GDPD4: variants seen among roughly 807,000 people sequenced by gnomAD.
GDPD4 encodes glycerophosphodiester phosphodiesterase 6.
A neutral mutation model predicts 67.8 loss-of-function variants in GDPD4; 60 were observed. That is an observed-to-expected ratio of 0.88 (90% CI 0.72 to 1.10). The LOEUF (loss-of-function observed/expected upper bound fraction) is 1.10, where lower values mean the gene tolerates loss of function less well. Among genes scored for constraint, GDPD4 ranks in the 50% least tolerant of loss-of-function variants. The pLI is 0.00. For synonymous variants in GDPD4, 212 were observed against 210.9 expected, an observed-to-expected ratio of 1.00 and a Z score of -0.04; for missense variants, 623 against 613.9, an observed-to-expected ratio of 1.01 and a Z score of -0.16.
chr11:77,268,616 C>T, intron 9 of GDPD4, 77 bp from the exon 10 acceptor site: 2 of 1,165,268 alleles, frequency 1.7e-6, no homozygotes, highest in Admixed American at 1.8e-5. Context: ...AGGGGTAGAG[C>T]CCAGTAGGAT....
chr11:77,267,907 A>AT (rs1251676866), intron 10 of GDPD4, among the ~76,000 whole-genome samples: 7 of 151,486 alleles, frequency 4.6e-5, no homozygotes, highest in Non-Finnish European at 7.4e-5. Flanking sequence ...GAGCACACAA[A>AT]TTTTTTTTCT....
chr11:77,274,978 A>G (rs565648594), intron 5 of GDPD4, among the ~76,000 whole-genome samples: 2 of 152,332 alleles, frequency 1.3e-5, no homozygotes, highest in East Asian at 1.9e-4. Context: ...TTGACAGTAC[A>G]GTAAGGTGAC....
chr11:77,259,228 C>T (rs1467847655), intron 10 of GDPD4, among the ~76,000 whole-genome samples: 1 of 152,158 alleles, frequency 6.6e-6, no homozygotes, highest in East Asian at 1.9e-4. Context: ...GATCCGCCCA[C>T]CTCAGCCTCC....
At position 77,292,034 on chromosome 11, in the gene GDPD4, A is replaced by AATT. The variant is rs539645202; in HGVS notation, c.-253-4617_-253-4615dup. 2.5e-4 allele frequency among the ~76,000 whole-genome samples: 38 copies of AATT among 152,118 alleles called. No homozygotes were observed. In the South Asian group the frequency reaches 5.0e-3, roughly 20 times the overall value. On this transcript the variant is annotated intron_variant, in intron 1 of 16. Coordinates refer to ENST00000315938, the MANE Select transcript of GDPD4 (RefSeq NM_182833.3). The stretch of plus-strand genomic sequence containing the variant: ...AACAAGAGTGAAAGTCTCAAAAAAA[A>AATT]ATTATTATTATTATTATTCATACTT...
At chr11:77,245,640 A>C in intron 11 of GDPD4, 138 bp from the exon 12 acceptor site, 2 of 620,230 alleles carry the variant, frequency 3.2e-6, no homozygotes, top group South Asian at 3.9e-5. Context: ...CCTAGAAAAC[A>C]GGTGACAAGG....
At chr11:77,298,411 C>G (rs1591589317) in intron 1 of GDPD4, among the ~76,000 whole-genome samples, 1 of 152,188 alleles carries the variant, frequency 6.6e-6, no homozygotes, top group Non-Finnish European at 1.5e-5. Flanking sequence ...ACTTGCGAAG[C>G]TGAGGCATGA....
At chr11:77,265,519 TAC>T (rs1336639576) in intron 10 of GDPD4, among the ~76,000 whole-genome samples, 1 of 152,140 alleles carries the variant, frequency 6.6e-6, no homozygotes, top group Admixed American at 6.5e-5. Context: ...TTGTAAGAAA[TAC>T]AGAGAGATCC....
At chr11:77,298,047 T>C (rs548352765) in intron 1 of GDPD4, among the ~76,000 whole-genome samples, 76 of 151,820 alleles carry the variant, frequency 5.0e-4, no homozygotes, top group African/African-American at 1.8e-3. Flanking sequence ...AGGAGGGAGC[T>C]GAAAAAGACA....
chr11:77,279,445 T>C, intron 3 of GDPD4, 46 bp from the exon 4 acceptor site: 2 of 1,204,934 alleles, frequency 1.7e-6, no homozygotes, highest in Non-Finnish European at 2.5e-6. Flanking sequence ...CAGAAATCAG[T>C]AGCATCTGTG....
chr11:77,245,358 G>A lies in GDPD4; in HGVS notation c.1009C>T (p.Pro337Ser). 3 of 1,614,144 alleles carry A rather than the reference G, an allele frequency of 1.9e-6. No homozygotes were observed. The highest frequency in any genetic ancestry group is 2.2e-5 in the South Asian group (2 of 91,080). ...FVIFDLHRPP[P>S]KHPLRHTFVR... Reference sequence around the variant, plus strand: ...AATGTGTGTCTGAGAGGATGTTTTGGTGGAGGGCGATGAAGATCAAATATC... The same window carrying A: ...AATGTGTGTCTGAGAGGATGTTTTGATGGAGGGCGATGAAGATCAAATATC... The change falls in exon 12 of 17, where the codon CCA becomes TCA. Residue 337 changes from proline (P) to serine (S), a missense_variant. Transcript: ENST00000315938.
At chr11:77,218,471 TGTTG>T (rs1256484205) in intron 16 of GDPD4, among the ~76,000 whole-genome samples, 2 of 152,176 alleles carry the variant, frequency 1.3e-5, no homozygotes, top group Non-Finnish European at 2.9e-5. Context: ...ACATGTGCCA[TGTTG>T]GTTTGCTGCA....
chr11:77,248,051 C>CAAAAAAAAAAAAA (rs34252021), intron 11 of GDPD4, among the ~76,000 whole-genome samples: 9 of 62,650 alleles, frequency 1.4e-4, no homozygotes, highest in East Asian at 5.4e-4. Flanking sequence ...AACTCCGTCT[C>CAAAAAAAAAAAAA]AAAAAAAAAA....
intron 14 of GDPD4, among the ~76,000 whole-genome samples, chr11:77,231,610 T>C (rs1180570850): frequency 6.6e-6 from 1 of 152,260 alleles, no homozygotes; most frequent in East Asian, 1.9e-4. Context: ...CACATGGATT[T>C]ATTCATTTAA....
intron 16 of GDPD4, among the ~76,000 whole-genome samples, chr11:77,227,353 T>A (rs1958362168): frequency 6.6e-6 from 1 of 152,166 alleles, no homozygotes; most frequent in African/African-American, 2.4e-5. Context: ...GCCTCCAACA[T>A]ATATCACCCA....
At chr11:77,226,886 A>G (rs1448155008) in intron 16 of GDPD4, among the ~76,000 whole-genome samples, 1 of 152,206 alleles carries the variant, frequency 6.6e-6, no homozygotes, top group Non-Finnish European at 1.5e-5. Flanking sequence ...TTAGTTTTTC[A>G]TGATCCCTGT....
At chr11:77,229,299 G>A (rs1958409188) in intron 14 of GDPD4, 67 bp from the exon 15 acceptor site, 3 of 943,714 alleles carry the variant, frequency 3.2e-6, no homozygotes, top group Non-Finnish European at 5.0e-6. Flanking sequence ...TACGGTCTAA[G>A]TCCCTTGCTC....
chr11:77,219,740 C>T (rs1392596137), intron 16 of GDPD4, among the ~76,000 whole-genome samples: 2 of 62,562 alleles, frequency 3.2e-5, no homozygotes, highest in African/African-American at 1.0e-4. Flanking sequence ...TGGTCTATAT[C>T]TCTGTTTTGG....
intron 5 of GDPD4, among the ~76,000 whole-genome samples, chr11:77,275,543 G>A (rs941171226): frequency 2.0e-5 from 3 of 152,018 alleles, no homozygotes; most frequent in South Asian, 4.2e-4. Context: ...CATAGAAAAC[G>A]TCCACGGGAA....
intron 15 of GDPD4, among the ~76,000 whole-genome samples, chr11:77,228,864 T>C (rs185625779): frequency 6.6e-6 from 1 of 152,214 alleles, no homozygotes; most frequent in African/African-American, 2.4e-5. Flanking sequence ...GCACTTGTTC[T>C]GGACAATATT....
Sources: allele counts gnomAD v4.1 joint callset (sites outside exome capture counted in the v4.1 genomes callset), GRCh38; gene constraint gnomAD v4.1.1; transcripts MANE v1.5; gene names NCBI Gene and HGNC (gene_info 2026-07-23, HGNC 2026-07-21).